The following INTS6 variants were observed in gnomAD, a reference collection of about 807,000 sequenced individuals.
INTS6 encodes the protein DEAD box protein.
A neutral mutation model predicts 104.9 loss-of-function variants in INTS6; 16 were observed. That is an observed-to-expected ratio of 0.15 (90% CI 0.10 to 0.23). INTS6 has a LOEUF of 0.23. Among genes scored for constraint, INTS6 ranks in the 10% least tolerant of loss-of-function variants. INTS6 has a pLI of 1.00. For synonymous variants in INTS6, 324 were observed against 358.7 expected (o/e 0.90, Z 1.09); for missense variants, 584 against 1,062.8 (o/e 0.55, Z 6.26).
At position 51,404,040 on chromosome 13, in the gene INTS6, T is replaced by C. The variant is rs200536071; in HGVS notation, c.430-8557A>G. ...GAGTTAGAGACCAGCCTGGGCAACA[T>C]AGTGAGATCCTATCTCTACAAATAC... On this transcript the variant is annotated intron_variant, in intron 4 of 17. Coordinates refer to ENST00000311234, the MANE Select transcript of INTS6 (RefSeq NM_012141.3). 2.8e-5 allele frequency among the ~76,000 whole-genome samples: 4 copies of C among 141,786 alleles called. No individual in the cohort carries two copies. In the East Asian group the frequency reaches 8.3e-4, roughly 30 times the overall value. The allele number at this position is 141,786 out of a possible 152,430, so 93.0% of individuals were successfully genotyped here. A position where few individuals can be genotyped will look rare whatever the true frequency, so the allele number is the denominator to read the frequency against.
At chr13:51,379,753 G>T (rs78761521) in intron 10 of INTS6, among the ~76,000 whole-genome samples, 181 bp from the exon 11 acceptor site, 3,046 of 152,108 alleles carry the variant, frequency 0.02, 41 homozygotes, top group Non-Finnish European at 0.03. Flanking sequence ...AAGGCCGTTT[G>T]AAGTAGTTAA....
chr13:51,450,383 G>A, intron 3 of INTS6: 1 of 985,396 alleles, frequency 1.0e-6, no homozygotes, highest in African/African-American at 1.7e-5. Context: ...TGGGGGTTAA[G>A]AAACGAAGGG....
intron 4 of INTS6, among the ~76,000 whole-genome samples, chr13:51,420,461 G>A (rs1296591840): frequency 6.6e-6 from 1 of 151,766 alleles, no homozygotes; most frequent in Non-Finnish European, 1.5e-5. Flanking sequence ...AGAGAAAGAG[G>A]CCCAGAATTA....
At position 51,452,889 on chromosome 13, in the gene INTS6, C is replaced by A; in HGVS notation, c.-364G>T. The A allele has an allele frequency of 1.8e-6, 2 of 1,129,672 alleles. No individual in the cohort carries two copies. Among genetic ancestry groups the A allele is most frequent in the South Asian group, 3.9e-5 (2 of 51,568 alleles). 70.0% of individuals were successfully genotyped at this position (1,129,672 alleles called of 1,614,324 possible). On this transcript the variant is annotated 5_prime_UTR_variant, in exon 1 of 18. Coordinates refer to ENST00000311234, the MANE Select transcript of INTS6 (RefSeq NM_012141.3). The surrounding 1 kb of genome is among the most constrained non-coding windows in gnomAD (Gnocchi z 4.2). ...GACGGGCCTGGCTCCCCACCCCACC[C>A]CCGGTACAGGAGTGGGGACCTGGGA...
intron 3 of INTS6, chr13:51,442,945 T>A (rs2070003432): frequency 6.6e-6 from 1 of 152,216 alleles, no homozygotes; most frequent in South Asian, 2.1e-4. Context: ...TAACAAACAG[T>A]ATTTAGATAG....
Position 51,452,966 on chromosome 13 carries a change from G to A in INTS6, c.-441C>T, listed in dbSNP as rs1209412710. ...GGAAGATTGGCCCTGGGGCTGTTGG[G>A]AGAAGTTTCAGGGACTCCCTCCGCA... On this transcript the variant is annotated 5_prime_UTR_variant, in exon 1 of 18. Coordinates refer to ENST00000311234, the MANE Select transcript of INTS6 (RefSeq NM_012141.3). This position sits in a 1 kb window ranked among gnomAD's most constrained non-coding sequence, Gnocchi z 4.2. The A allele has an allele frequency of 6.9e-6, 7 of 1,020,022 alleles. No homozygotes were observed. Among genetic ancestry groups the A allele is most frequent in the African/African-American group, 1.7e-5 (1 of 57,412 alleles). The allele number at this position is 1,020,022 out of a possible 1,614,324, so 63.2% of individuals were successfully genotyped here. A position where few individuals can be genotyped will look rare whatever the true frequency, so the allele number is the denominator to read the frequency against.
chr13:51,430,407 C>A, intron 3 of INTS6, 24 bp from the exon 4 acceptor site: 1 of 1,574,764 alleles, frequency 6.4e-7, no homozygotes, highest in Non-Finnish European at 8.7e-7. Context: ...ACACATTGAT[C>A]ATACAAAGAT....
intron 3 of INTS6, chr13:51,355,289 T>G: frequency 1.7e-6 from 1 of 576,960 alleles, no homozygotes; most frequent in Non-Finnish European, 3.1e-6. Flanking sequence ...GTGTTGCTTC[T>G]AATAACAGTC....
intron 3 of INTS6, among the ~76,000 whole-genome samples, chr13:51,431,750 A>G (rs1035422739): frequency 1.3e-5 from 2 of 152,152 alleles, no homozygotes; most frequent in Non-Finnish European, 2.9e-5. Context: ...CCGGGGGAGA[A>G]AGATTCCTTT....
At chr13:51,426,030 A>T (rs1036529064) in intron 4 of INTS6, among the ~76,000 whole-genome samples, 4 of 152,016 alleles carry the variant, frequency 2.6e-5, no homozygotes, top group African/African-American at 9.7e-5. Context: ...GAAATCCTAG[A>T]CAGTTATCCA....
chr13:51,364,371 T>G lies in INTS6; in HGVS notation c.*1381A>C. 1.4e-6 allele frequency: 1 copy of G among 706,036 alleles called. No individual in the cohort carries two copies. The highest frequency in any genetic ancestry group is 2.1e-5 in the South Asian group (1 of 47,296). The allele number at this position is 706,036 out of a possible 1,614,324, so 43.7% of individuals were successfully genotyped here. A position where few individuals can be genotyped will look rare whatever the true frequency, so the allele number is the denominator to read the frequency against. ...CCTTGAAATTTAAAAAAATGTCTGA[T>G]AAAGTGTAAAAAGCTAAGGGTATGT... On this transcript the variant is annotated 3_prime_UTR_variant, in exon 18 of 18. Coordinates refer to ENST00000311234, the MANE Select transcript of INTS6 (RefSeq NM_012141.3).
At chr13:51,382,672 CTA>C (rs1278666511) in intron 9 of INTS6, among the ~76,000 whole-genome samples, 1 of 151,614 alleles carries the variant, frequency 6.6e-6, no homozygotes, top group Non-Finnish European at 1.5e-5. Flanking sequence ...GTTAACTATA[CTA>C]TGTTTCTACA....
At chr13:51,423,749 A>C (rs977157892) in intron 4 of INTS6, among the ~76,000 whole-genome samples, 3 of 152,052 alleles carry the variant, frequency 2.0e-5, no homozygotes, top group Non-Finnish European at 4.4e-5. Context: ...TTTTATCCTA[A>C]AAAAATACTT....
rs1002749997 is a variant in INTS6, at chr13:51,375,826, G to C, written c.1729+222C>G. On this transcript the variant is annotated intron_variant, in intron 13 of 17. Coordinates refer to ENST00000311234, the MANE Select transcript of INTS6 (RefSeq NM_012141.3). ...CTATAAAAGGAAACTAAACTGTTAAGAAAGGTTGTTACCTCTAGGGAAGAG... is the reference window on the plus strand; with the variant it reads ...CTATAAAAGGAAACTAAACTGTTAACAAAGGTTGTTACCTCTAGGGAAGAG... 5.9e-5 allele frequency among the ~76,000 whole-genome samples: 9 copies of C among 152,060 alleles called. No individual in the cohort carries two copies. In the East Asian group the frequency reaches 1.7e-3, roughly 29 times the overall value.
At chr13:51,443,607 C>G (rs940466245) in intron 3 of INTS6, 6 of 151,646 alleles carry the variant, frequency 4.0e-5, no homozygotes, top group African/African-American at 1.5e-4. Flanking sequence ...GCCTGCAGTC[C>G]CAGCTACTCC....
chr13:51,383,315 C>T lies in INTS6; in HGVS notation c.1180+14G>A, dbSNP rs540515080. 14 of 1,591,040 alleles carry T rather than the reference C, an allele frequency of 8.8e-6. No individual in the cohort carries two copies. Among genetic ancestry groups the T allele is most frequent in the Non-Finnish European group, 1.1e-5 (13 of 1,169,218 alleles). On this transcript the variant is annotated intron_variant, in intron 9 of 17. Transcript: ENST00000311234. ...ATATGCTAAGCCAAGGAGAAAGTGA[C>T]AAGAATGACTTACCTAAGAGGGGAA...
intron 13 of INTS6, among the ~76,000 whole-genome samples, chr13:51,375,772 C>T (rs1252826366): frequency 2.7e-4 from 39 of 146,808 alleles, no homozygotes; most frequent in African/African-American, 9.5e-4. Flanking sequence ...TGTGTGCGCG[C>T]GCGTGCGCGC....
At chr13:51,378,537 T>TAAATATATACTTAAA in intron 11 of INTS6, 83 bp from the exon 12 acceptor site, 1 of 730,982 alleles carries the variant, frequency 1.4e-6, no homozygotes, top group Non-Finnish European at 2.0e-6. Flanking sequence ...TTCTATAAAT[T>TAAATATATACTTAAA]AAATATATAT....
At chr13:51,434,027 T>G (rs150337788) in intron 3 of INTS6, among the ~76,000 whole-genome samples, 2 of 152,358 alleles carry the variant, frequency 1.3e-5, no homozygotes, top group Admixed American at 6.5e-5. Context: ...ATGGTCTTTC[T>G]GTACCACCTG....
Sources: gnomAD v4.1 joint callset for allele counts (sites outside exome capture counted in the v4.1 genomes callset) on GRCh38, gnomAD v4.1.1 for gene constraint, Gnocchi (gnomAD v3.1) non-coding constraint, MANE v1.5 for transcripts, NCBI Gene and HGNC (gene_info 2026-07-23, HGNC 2026-07-21) for gene names.